LMTK2: variants seen among roughly 807,000 people sequenced by gnomAD.
LMTK2 encodes serine/threonine-protein kinase LMTK2.
A neutral mutation model predicts 127.5 loss-of-function variants in LMTK2; 37 were observed. The observed-to-expected ratio is 0.29, with a 90% CI of 0.22 to 0.38. The LOEUF is 0.38. Ranked by LOEUF, LMTK2 falls within the 10% of genes least tolerant of loss-of-function variation. LMTK2 has a pLI of 1.00. For synonymous variants in LMTK2, 819 were observed against 810.1 expected, an observed-to-expected ratio of 1.01 and a Z score of -0.19; for missense variants, 1,694 against 1,920.3, an observed-to-expected ratio of 0.88 and a Z score of 2.20.
chr7:98,205,224 C>T (rs1413146403), intron 13 of LMTK2, among the ~76,000 whole-genome samples: 2 of 152,218 alleles, frequency 1.3e-5, no homozygotes, highest in Non-Finnish European at 2.9e-5. Flanking sequence ...GTGTGGATCC[C>T]AGCTGACTTC....
At chr7:98,155,697 G>A (rs1262842955) in intron 5 of LMTK2, among the ~76,000 whole-genome samples, 2 of 151,126 alleles carry the variant, frequency 1.3e-5, no homozygotes, top group African/African-American at 4.9e-5. Flanking sequence ...TATCCTTCAG[G>A]AATGAAGGGG....
chr7:98,132,809 G>A (rs1471004683), intron 1 of LMTK2, among the ~76,000 whole-genome samples: 1 of 151,594 alleles, frequency 6.6e-6, no homozygotes, highest in Non-Finnish European at 1.5e-5. Context: ...TCCCAAAATG[G>A]CTTCACAGAC....
In LMTK2 at chr7:98,194,593, A is replaced by C. The variant is rs760650023; in HGVS notation, c.4107+21A>C. On this transcript the variant is annotated intron_variant, in intron 11 of 13. Coordinates refer to ENST00000297293, the MANE Select transcript of LMTK2 (RefSeq NM_014916.4). The surrounding 1 kb of genome is among the most constrained non-coding windows in gnomAD (Gnocchi z 5.4). ...ACCAGGTATCTGTTCCCTCTAAATC[A>C]TTTTCTATACACATCCATATAAGGA... 4.8e-5 allele frequency: 76 copies of C among 1,577,694 alleles called. No individual in the cohort carries two copies. The South Asian group carries it at 8.1e-4, about 17-fold the overall frequency.
intron 3 of LMTK2, among the ~76,000 whole-genome samples, chr7:98,142,295 C>T (rs1020253897): frequency 3.3e-5 from 5 of 152,188 alleles, no homozygotes; most frequent in South Asian, 2.1e-4. Flanking sequence ...AATAAACCCC[C>T]GAACTGATGC....
At chr7:98,205,165 T>A (rs1399430875) in intron 13 of LMTK2, among the ~76,000 whole-genome samples, 1 of 152,238 alleles carries the variant, frequency 6.6e-6, no homozygotes, top group East Asian at 1.9e-4. Flanking sequence ...TAGGCTTCAT[T>A]TGTGCCGATT....
intron 1 of LMTK2, among the ~76,000 whole-genome samples, chr7:98,132,858 G>T (rs1796542559): frequency 6.6e-6 from 1 of 151,906 alleles, no homozygotes. Context: ...AGTTTCATCT[G>T]AGGTTCTAGA....
intron 1 of LMTK2, among the ~76,000 whole-genome samples, chr7:98,110,584 A>G (rs1796187825): frequency 1.3e-5 from 2 of 152,246 alleles, no homozygotes; most frequent in Non-Finnish European, 2.9e-5. Flanking sequence ...TTATCAGATC[A>G]TTCTTCTCTT....
chr7:98,149,812 GT>G, intron 3 of LMTK2, among the ~76,000 whole-genome samples: 1 of 152,284 alleles, frequency 6.6e-6, no homozygotes, highest in East Asian at 1.9e-4. Flanking sequence ...AATTTAAAGT[GT>G]TTTGGAGAAC....
At chr7:98,191,547 G>T (rs992507344) in intron 10 of LMTK2, 67 bp from the exon 11 acceptor site, 1 of 1,309,038 alleles carries the variant, frequency 7.6e-7, no homozygotes, top group Admixed American at 2.5e-5. Context: ...GCAAGACTCC[G>T]TCTCGAACCA....
In LMTK2 at chr7:98,140,100, T is replaced by C. The variant is rs1796655797; in HGVS notation, c.232-1297T>C. Among the ~76,000 whole-genome samples, 2 of 2,592 alleles carry C rather than the reference T, an allele frequency of 7.7e-4. 1 individual carries two copies. The highest frequency in any genetic ancestry group is 1.5e-3 in the Non-Finnish European group (2 of 1,366). 1.7% of individuals were successfully genotyped at this position (2,592 alleles called of 152,430 possible). The stretch of plus-strand genomic sequence containing the variant: ...CAACTTTCTTTCTTTCTTTCTTTCT[T>C]TCTTTCTTTCTTTCTTTCTTTCTTT... On this transcript the variant is annotated intron_variant, in intron 2 of 13. Coordinates refer to ENST00000297293, the MANE Select transcript of LMTK2 (RefSeq NM_014916.4).
chr7:98,185,677 C>T lies in LMTK2; in HGVS notation c.876+542C>T, dbSNP rs11760234. 4.9e-3 allele frequency among the ~76,000 whole-genome samples: 751 copies of T among 151,964 alleles called. 5 individuals carry two copies. Among genetic ancestry groups the T allele is most frequent in the Middle Eastern group, 0.017 (5 of 290 alleles). On this transcript the variant is annotated intron_variant, in intron 8 of 13. Transcript: ENST00000297293. The stretch of plus-strand genomic sequence containing the variant: ...GGCAGAGAATGGGACTGTCCCAGCT[C>T]CGGGCTGTCAGGAGACCTCGGATAA...
intron 7 of LMTK2, among the ~76,000 whole-genome samples, chr7:98,180,390 T>C (rs1286530229): frequency 6.6e-6 from 1 of 152,260 alleles, no homozygotes; most frequent in Non-Finnish European, 1.5e-5. Context: ...TTTTCTATTT[T>C]AATTTAATGG....
At chr7:98,109,726 A>G (rs1252202843) in intron 1 of LMTK2, among the ~76,000 whole-genome samples, 1 of 145,978 alleles carries the variant, frequency 6.9e-6, no homozygotes, top group Admixed American at 7.3e-5. Context: ...CCTGGGCAAC[A>G]GAGTGAGACT....
At chr7:98,137,557 A>C (rs41278836) in intron 2 of LMTK2, 115 bp downstream of exon 2, 22,074 of 876,104 alleles carry the variant, frequency 0.025, 332 homozygotes, top group Non-Finnish European at 0.03. Flanking sequence ...TCTTCCCCTA[A>C]TGGCCAAATA....
chr7:98,152,344 G>A (rs1232038810), intron 4 of LMTK2, among the ~76,000 whole-genome samples: 2 of 152,236 alleles, frequency 1.3e-5, no homozygotes, highest in Non-Finnish European at 2.9e-5. Flanking sequence ...TAAGCAGGAT[G>A]CTTACAACAG....
At chr7:98,189,854 C>A (rs1449213366) in intron 9 of LMTK2, among the ~76,000 whole-genome samples, 1 of 152,138 alleles carries the variant, frequency 6.6e-6, no homozygotes, top group African/African-American at 2.4e-5. Flanking sequence ...GATGGGGGAT[C>A]CCTTCAGAAT....
chr7:98,111,127 A>G (rs17434500), intron 1 of LMTK2, among the ~76,000 whole-genome samples: 1,856 of 152,328 alleles, frequency 0.012, 17 homozygotes, highest in Admixed American at 0.02. Context: ...TCATTTGAAC[A>G]GTAATAGGAA....
At chr7:98,134,496 C>G (rs956565734) in intron 1 of LMTK2, among the ~76,000 whole-genome samples, 1 of 152,072 alleles carries the variant, frequency 6.6e-6, no homozygotes, top group African/African-American at 2.4e-5. Flanking sequence ...TTATGTGCAT[C>G]GGGAGTGAAG....
At chr7:98,180,831 A>T (rs1797344073) in intron 7 of LMTK2, among the ~76,000 whole-genome samples, 2 of 152,252 alleles carry the variant, frequency 1.3e-5, no homozygotes, top group Admixed American at 1.3e-4. Context: ...AATTTTGCTA[A>T]TAGCATTTTA....
Sources: gnomAD v4.1 joint callset for allele counts (sites outside exome capture counted in the v4.1 genomes callset) on GRCh38, gnomAD v4.1.1 for gene constraint, Gnocchi (gnomAD v3.1) non-coding constraint, MANE v1.5 for transcripts, NCBI Gene and HGNC (gene_info 2026-07-23, HGNC 2026-07-21) for gene names.